Variants in C12orf54 observed in about 807,000 individuals in gnomAD.
C12orf54 encodes uncharacterized protein C12orf54.
Under a neutral mutation model 26.4 loss-of-function variants are expected in C12orf54, and 24 were observed. The ratio of observed to expected loss-of-function variants is 0.91; its 90% CI spans 0.66 to 1.28. The LOEUF (loss-of-function observed/expected upper bound fraction) is 1.28, where lower values mean the gene tolerates loss of function less well. Among genes scored for constraint, C12orf54 ranks in the 50% most tolerant of loss-of-function variants. C12orf54 has a pLI of 0.00. For synonymous variants in C12orf54, 54 were observed against 47.0 expected, an observed-to-expected ratio of 1.15 and a Z score of -0.61; for missense variants, 154 against 150.9, an observed-to-expected ratio of 1.02 and a Z score of -0.11.
rs190968390 is a variant in C12orf54, at chr12:48,485,356, C to A, written c.66-822C>A. On this transcript the variant is annotated intron_variant, in intron 2 of 8. Coordinates refer to ENST00000548364, the MANE Select transcript of C12orf54 (RefSeq NM_152319.4). ...TGTTGCCCAAGCTGGTCTTGAACTA[C>A]AGTGTCATCTAGAGCCCAGTTTTCT... Among the ~76,000 whole-genome samples the A allele has an allele frequency of 2.3e-4, 35 of 152,296 alleles. No individual in the cohort carries two copies. In the East Asian group the frequency reaches 5.6e-3, roughly 24 times the overall value.
At chr12:48,422,902 G>T in the C12orf54 span, among the ~76,000 whole-genome samples, 2 of 152,054 alleles carry the variant, frequency 1.3e-5, no homozygotes, top group African/African-American at 2.4e-5. Flanking sequence ...AAAGCATTCT[G>T]GGAAGACTTA....
intron 7 of C12orf54, among the ~76,000 whole-genome samples, chr12:48,493,416 G>A (rs921982403): frequency 1.3e-4 from 20 of 152,076 alleles, no homozygotes; most frequent in Admixed American, 6.6e-4. Context: ...TGGTTGGATC[G>A]CTTGAGCCCA....
chr12:48,443,278 T>C, the C12orf54 span, among the ~76,000 whole-genome samples: 2 of 152,056 alleles, frequency 1.3e-5, no homozygotes, highest in East Asian at 1.9e-4. Flanking sequence ...TAGGGAGAGA[T>C]TGAAGGAAAA....
At chr12:48,462,492 A>G in the C12orf54 span, among the ~76,000 whole-genome samples, 1 of 151,686 alleles carries the variant, frequency 6.6e-6, no homozygotes. Flanking sequence ...AATTTTAATA[A>G]AATTTTATCA....
chr12:48,439,205 C>G, the C12orf54 span, among the ~76,000 whole-genome samples: 4 of 152,222 alleles, frequency 2.6e-5, no homozygotes, highest in African/African-American at 9.6e-5. Context: ...GAGATACCAT[C>G]TCACACCAGT....
intron 7 of C12orf54, 147 bp from the exon 8 acceptor site, chr12:48,494,651 C>T (rs977916208): frequency 1.2e-6 from 1 of 812,372 alleles, no homozygotes; most frequent in Non-Finnish European, 1.9e-6. Flanking sequence ...ATGCATCCAT[C>T]AGGAAATTGC....
the C12orf54 span, among the ~76,000 whole-genome samples, chr12:48,448,677 T>C: frequency 2.0e-5 from 3 of 152,264 alleles, no homozygotes; most frequent in Non-Finnish European, 4.4e-5. Flanking sequence ...CATATTGCAT[T>C]AATTGGGACT....
At chr12:48,484,899 G>T (rs1222754808) in intron 2 of C12orf54, among the ~76,000 whole-genome samples, 3 of 152,010 alleles carry the variant, frequency 2.0e-5, no homozygotes, top group African/African-American at 7.3e-5. Context: ...AGAATTAGGG[G>T]CATGGTTTGG....
the C12orf54 span, among the ~76,000 whole-genome samples, chr12:48,431,645 T>C: frequency 4.6e-5 from 7 of 152,236 alleles, no homozygotes; most frequent in East Asian, 1.9e-4. Context: ...ATGTCAAAGA[T>C]GAGTTTTATA....
the C12orf54 span, among the ~76,000 whole-genome samples, chr12:48,427,806 C>T: frequency 6.6e-6 from 1 of 151,968 alleles, no homozygotes; most frequent in African/African-American, 2.4e-5. Context: ...TAAACTATAC[C>T]TTGGAACAAA....
chr12:48,492,197 G>A (rs574863117), intron 6 of C12orf54, among the ~76,000 whole-genome samples: 7 of 152,128 alleles, frequency 4.6e-5, no homozygotes, highest in African/African-American at 7.2e-5. Context: ...AACGGAGTTC[G>A]TTAAGGGTAC....
the C12orf54 span, among the ~76,000 whole-genome samples, chr12:48,419,914 G>A: frequency 0.1 from 15,347 of 152,164 alleles, 837 homozygotes; most frequent in Middle Eastern, 0.13. Context: ...ATATTAGCTC[G>A]CATGCCAGGA....
rs140626422 is a variant in C12orf54, at chr12:48,488,944, T to C, written c.156T>C (p.Asp52=). The C allele has an allele frequency of 5.0e-6, 8 of 1,611,220 alleles. No homozygotes were observed. Among genetic ancestry groups the C allele is most frequent in the Non-Finnish European group, 6.8e-6 (8 of 1,177,678 alleles). Residue 52 remains aspartate, a synonymous_variant, in exon 5 of 9, where the codon GAT becomes GAC. Coordinates refer to ENST00000548364, the MANE Select transcript of C12orf54 (RefSeq NM_152319.4). ...GTCAGGTGCTGACAGTTTTTAAGGA[T>C]ATACAAAAGGAGGTGAGATTAGATT... ...LWDQVLTVFK[D]IQKELQEDAR...
At chr12:48,486,829 T>G in intron 4 of C12orf54, 103 bp downstream of exon 4, 1 of 1,188,632 alleles carries the variant, frequency 8.4e-7, no homozygotes, top group Non-Finnish European at 1.2e-6. Flanking sequence ...AGCGGTTTGT[T>G]GATTGACGGT....
At chr12:48,485,401 A>G (rs1206829442) in intron 2 of C12orf54, among the ~76,000 whole-genome samples, 2 of 151,426 alleles carry the variant, frequency 1.3e-5, no homozygotes, top group Admixed American at 1.3e-4. Flanking sequence ...GGGTCCCCAG[A>G]CTCCCTGTGA....
Position 48,494,929 on chromosome 12 carries a change from C to G in C12orf54, c.374C>G (p.Pro125Arg). 1.2e-6 allele frequency: 2 copies of G among 1,613,328 alleles called. No homozygotes were observed. Among genetic ancestry groups the G allele is most frequent in the Non-Finnish European group, 1.7e-6 (2 of 1,179,288 alleles). The stretch of plus-strand genomic sequence containing the variant: ...CTCTTCAGTCAATCAGCTTACTACC[C>G]TGGACCCTAACTCTACAATCAAGGA... ...TQLFSQSAYY[P>R]GP The change falls in exon 8 of 9, where the codon CCT becomes CGT. Residue 125 changes from proline (P) to arginine (R), a missense_variant. Transcript: ENST00000548364.
the C12orf54 span, chr12:48,442,787 T>C: frequency 6.3e-6 from 1 of 158,024 alleles, no homozygotes; most frequent in Admixed American, 6.5e-5. Context: ...CATGGGTGTG[T>C]GGAGGCAAGA....
At chr12:48,415,867 AC>A in the C12orf54 span, among the ~76,000 whole-genome samples, 6 of 152,142 alleles carry the variant, frequency 3.9e-5, no homozygotes, top group Non-Finnish European at 7.4e-5. Flanking sequence ...TCAAAATGCA[AC>A]CAACCAGCCA....
At chr12:48,473,042 C>T in the C12orf54 span, 1 of 1,614,074 alleles carries the variant, frequency 6.2e-7, no homozygotes, top group Non-Finnish European at 8.5e-7. Flanking sequence ...GCGAGGTAAC[C>T]AACCTGAACA....
Sources: gnomAD v4.1 joint callset for allele counts (sites outside exome capture counted in the v4.1 genomes callset) on GRCh38, gnomAD v4.1.1 for gene constraint, MANE v1.5 for transcripts, NCBI Gene and HGNC (gene_info 2026-07-23, HGNC 2026-07-21) for gene names.